The following DOCK10 variants were observed in gnomAD, a reference collection of about 807,000 sequenced individuals.
DOCK10 encodes the protein dedicator of cytokinesis protein 10.
In DOCK10, 145 loss-of-function variants were observed where a neutral mutation model predicts 280.1. That is an observed-to-expected ratio of 0.52 (90% CI 0.45 to 0.59). The LOEUF (loss-of-function observed/expected upper bound fraction) is 0.59. Ranked by LOEUF, DOCK10 falls within the 20% of genes least tolerant of loss-of-function variation. DOCK10 has a pLI of 0.00. For synonymous variants in DOCK10, 915 were observed against 942.2 expected (o/e 0.97, Z 0.53); for missense variants, 2,368 against 2,651.7 (o/e 0.89, Z 2.35).
At chr2:224,912,081 T>C (rs1158045713) in intron 3 of DOCK10, among the ~76,000 whole-genome samples, 1 of 152,194 alleles carries the variant, frequency 6.6e-6, no homozygotes, top group East Asian at 1.9e-4. Flanking sequence ...TTTTTAACTT[T>C]TGCAGACAAG....
chr2:224,888,552 T>C (rs1371997763), intron 4 of DOCK10, among the ~76,000 whole-genome samples: 1 of 151,980 alleles, frequency 6.6e-6, no homozygotes, highest in African/African-American at 2.4e-5. Flanking sequence ...TCAATGTATA[T>C]GTGTGTTTGT....
intron 1 of DOCK10, among the ~76,000 whole-genome samples, chr2:224,997,104 T>C (rs1706292142): frequency 6.6e-6 from 1 of 152,198 alleles, no homozygotes; most frequent in Non-Finnish European, 1.5e-5. Context: ...CAAAATCTAC[T>C]GTAACCCCCA....
chr2:224,808,139 A>G, intron 31 of DOCK10, 53 bp from the exon 32 acceptor site: 2 of 1,510,732 alleles, frequency 1.3e-6, no homozygotes, highest in Non-Finnish European at 1.8e-6. Context: ...TGATCACTTT[A>G]TAATTGAGAC....
chr2:224,987,095 C>T (rs567247249), intron 1 of DOCK10, among the ~76,000 whole-genome samples: 5 of 152,176 alleles, frequency 3.3e-5, no homozygotes, highest in Middle Eastern at 3.4e-3. Flanking sequence ...CAAGGTGGTG[C>T]GTGGAGTACA....
At chr2:224,983,316 T>G (rs1394324422) in intron 1 of DOCK10, 1 of 157,600 alleles carries the variant, frequency 6.3e-6, no homozygotes, top group Non-Finnish European at 1.4e-5. Flanking sequence ...TCACGTGTCC[T>G]TTCTGGAATG....
chr2:224,869,580 G>A lies in DOCK10; in HGVS notation c.1257+4416C>T, dbSNP rs1298111187. On this transcript the variant is annotated intron_variant, in intron 11 of 55. Coordinates refer to ENST00000258390, the MANE Select transcript of DOCK10 (RefSeq NM_014689.3). ...TTATTTTTTGTGTTATTGCTTATAG[G>A]CACAATGAAATTATTTTTCTAAAGT... Among the ~76,000 whole-genome samples, 3 of 152,112 alleles carry A rather than the reference G, an allele frequency of 2.0e-5. No homozygotes were observed. In the East Asian group the frequency reaches 5.8e-4, roughly 29 times the overall value.
intron 2 of DOCK10, among the ~76,000 whole-genome samples, chr2:224,918,930 GTATGTGTGGTGTGAA>G (rs1465494519): frequency 6.7e-6 from 1 of 148,238 alleles, no homozygotes; most frequent in Non-Finnish European, 1.5e-5. Context: ...TGTGTGGTGT[GTATGTGTGGTGTGAA>G]TGTGTGTGGT....
chr2:224,916,029 G>A (rs1333546325), intron 3 of DOCK10, among the ~76,000 whole-genome samples: 2 of 152,216 alleles, frequency 1.3e-5, no homozygotes, highest in African/African-American at 4.8e-5. Context: ...TGGATCATGG[G>A]GGTGGATCCC....
At chr2:224,905,301 G>A (rs1285651635) in intron 3 of DOCK10, among the ~76,000 whole-genome samples, 1 of 136,522 alleles carries the variant, frequency 7.3e-6, no homozygotes, top group Non-Finnish European at 1.5e-5. Flanking sequence ...ACTGCGGACT[G>A]CAGCGGCGCG....
intron 1 of DOCK10, among the ~76,000 whole-genome samples, chr2:224,985,865 T>C (rs1705960708): frequency 6.6e-6 from 1 of 152,214 alleles, no homozygotes; most frequent in South Asian, 2.1e-4. Flanking sequence ...TGGGATAATA[T>C]GTCCAAAGAC....
intron 30 of DOCK10, among the ~76,000 whole-genome samples, chr2:224,815,458 G>C (rs1694069494): frequency 6.6e-6 from 1 of 151,298 alleles, no homozygotes; most frequent in South Asian, 2.1e-4. Flanking sequence ...ATAATAACTT[G>C]GCAGTAATTT....
chr2:224,965,336 C>T (rs1367912103), intron 1 of DOCK10, among the ~76,000 whole-genome samples: 1 of 152,134 alleles, frequency 6.6e-6, no homozygotes, highest in East Asian at 1.9e-4. Flanking sequence ...TACCCGTTTT[C>T]TGACTGAATG....
Position 224,806,208 on chromosome 2 carries a change from T to G in DOCK10, c.3732A>C (p.Gly1244=). 6.2e-7 allele frequency: 1 copy of G among 1,609,380 alleles called. No individual in the cohort carries two copies. The part of the protein sequence containing the change: ...QGSRDDLSTN[G]GFQSQTAIKH... ...TGATAGCTGTCTGGCTTTGAAATCC[T>G]CCATTGGTGCTTAGATCATCTCTAG... The change falls in exon 34 of 56, where the codon GGA becomes GGC. Residue 1244 remains glycine, a synonymous_variant. Transcript: ENST00000258390.
At chr2:224,962,972 A>T (rs1169729724) in intron 1 of DOCK10, among the ~76,000 whole-genome samples, 2 of 152,186 alleles carry the variant, frequency 1.3e-5, no homozygotes, top group South Asian at 4.1e-4. Flanking sequence ...GCATTTAACA[A>T]TTGGGAGATT....
At chr2:224,779,656 C>T (rs946104376) in intron 50 of DOCK10, among the ~76,000 whole-genome samples, 4 of 152,084 alleles carry the variant, frequency 2.6e-5, no homozygotes, top group Non-Finnish European at 5.9e-5. Flanking sequence ...GCAAAGTGTT[C>T]CAGTGCTATT....
chr2:224,909,303 G>A (rs777290091), intron 3 of DOCK10, among the ~76,000 whole-genome samples: 3 of 152,092 alleles, frequency 2.0e-5, no homozygotes, highest in Non-Finnish European at 4.4e-5. Context: ...TATTTTTTAT[G>A]GTTATGGATG....
intron 1 of DOCK10, among the ~76,000 whole-genome samples, chr2:224,980,001 T>C (rs1424574137): frequency 6.6e-6 from 1 of 150,660 alleles, no homozygotes; most frequent in Non-Finnish European, 1.5e-5. Context: ...TGGTGACTAA[T>C]GGGCAGTGGG....
chr2:224,829,046 T>C (rs1695051409), intron 27 of DOCK10, among the ~76,000 whole-genome samples: 1 of 152,200 alleles, frequency 6.6e-6, no homozygotes, highest in African/African-American at 2.4e-5. Flanking sequence ...AGATACATAC[T>C]GTAATGAGTC....
intron 15 of DOCK10, 93 bp from the exon 16 acceptor site, chr2:224,855,135 C>A: frequency 1.3e-6 from 1 of 799,636 alleles, no homozygotes; most frequent in Middle Eastern, 2.4e-4. Context: ...AAAAAGCAGT[C>A]ATCTATAATT....
Sources: allele counts gnomAD v4.1 joint callset (sites outside exome capture counted in the v4.1 genomes callset), GRCh38; gene constraint gnomAD v4.1.1; transcripts MANE v1.5; gene names NCBI Gene and HGNC (gene_info 2026-07-23, HGNC 2026-07-21).